Variants in CSMD1 observed in about 807,000 individuals in gnomAD.
CSMD1 encodes CUB and Sushi multiple domains 1.
A neutral mutation model predicts 417.5 loss-of-function variants in CSMD1; 213 were observed. That is an observed-to-expected ratio of 0.51 (90% CI 0.46 to 0.57). The LOEUF (loss-of-function observed/expected upper bound fraction) is 0.57. CSMD1 is among the 20% of genes least tolerant of loss of function. CSMD1 has a pLI of 0.00. For missense variants in CSMD1, 6,923 were observed against 4,529.7 expected, an observed-to-expected ratio of 1.53 and a Z score of -15.17; for synonymous variants, 2,862 against 1,736.8, an observed-to-expected ratio of 1.65 and a Z score of -16.11.
intron 5 of CSMD1, among the ~76,000 whole-genome samples, chr8:3,912,029 A>C (rs1344102061): frequency 6.6e-6 from 1 of 152,236 alleles, no homozygotes; most frequent in East Asian, 1.9e-4. Context: ...ATAGACACAT[A>C]TGGAGTATAT....
chr8:4,832,053 A>T (rs1268489184), intron 1 of CSMD1, among the ~76,000 whole-genome samples: 1 of 152,196 alleles, frequency 6.6e-6, no homozygotes, highest in Non-Finnish European at 1.5e-5. Context: ...CCTTACAATC[A>T]AACCAGAACC....
intron 3 of CSMD1, among the ~76,000 whole-genome samples, chr8:4,087,307 AT>A (rs1800471135): frequency 6.6e-6 from 1 of 151,988 alleles, no homozygotes; most frequent in Non-Finnish European, 1.5e-5. Context: ...CCTGCAGGTG[AT>A]TTTCCAGGGA....
intron 56 of CSMD1, among the ~76,000 whole-genome samples, chr8:2,974,213 A>C (rs966001109): frequency 2.6e-5 from 4 of 152,238 alleles, no homozygotes; most frequent in Admixed American, 2.6e-4. Context: ...AATGAGATCC[A>C]GACTCTCCTG....
At chr8:3,505,715 G>C (rs1380335266) in intron 10 of CSMD1, among the ~76,000 whole-genome samples, 2 of 152,184 alleles carry the variant, frequency 1.3e-5, no homozygotes, top group Non-Finnish European at 2.9e-5. Context: ...ATGAGCACTG[G>C]ATAGAAGGGA....
intron 1 of CSMD1, among the ~76,000 whole-genome samples, chr8:4,790,579 C>G (rs922673153): frequency 6.6e-6 from 1 of 152,174 alleles, no homozygotes; most frequent in Non-Finnish European, 1.5e-5. Flanking sequence ...CGACTTTAAG[C>G]TATACAACCA....
intron 46 of CSMD1, 27 bp from the exon 47 acceptor site, chr8:3,097,064 T>A: frequency 2.0e-6 from 3 of 1,486,632 alleles, no homozygotes; most frequent in Non-Finnish European, 2.7e-6. Flanking sequence ...CAGCAAAAGT[T>A]TGCTTTAATA....
intron 3 of CSMD1, among the ~76,000 whole-genome samples, chr8:4,285,957 T>C (rs1281123452): frequency 1.3e-5 from 2 of 152,198 alleles, no homozygotes; most frequent in African/African-American, 4.8e-5. Context: ...TCCGCAATGC[T>C]ATAATTACAC....
chr8:3,963,419 G>C (rs544191005), intron 5 of CSMD1, among the ~76,000 whole-genome samples: 1 of 152,228 alleles, frequency 6.6e-6, no homozygotes, highest in East Asian at 1.9e-4. Flanking sequence ...TAAGTAGCTT[G>C]AAAATATCTC....
chr8:4,052,354 T>A (rs1474055708), intron 3 of CSMD1, among the ~76,000 whole-genome samples: 2 of 152,150 alleles, frequency 1.3e-5, no homozygotes, highest in Non-Finnish European at 2.9e-5. Context: ...ATGATAACAC[T>A]CACGTGTATG....
chr8:4,017,394 C>T (rs182230217), intron 4 of CSMD1, among the ~76,000 whole-genome samples: 4 of 152,286 alleles, frequency 2.6e-5, no homozygotes, highest in East Asian at 3.9e-4. Flanking sequence ...CAACCTCCGC[C>T]TCCCGGGTTC....
chr8:3,814,778 G>A (rs1011960643), intron 5 of CSMD1, among the ~76,000 whole-genome samples: 3 of 152,184 alleles, frequency 2.0e-5, no homozygotes, highest in Admixed American at 6.5e-5. Context: ...ATTCTGCCAC[G>A]ATTTTCTATT....
At chr8:3,613,726 C>CAG (rs1160787874) in intron 8 of CSMD1, among the ~76,000 whole-genome samples, 2 of 130,798 alleles carry the variant, frequency 1.5e-5, no homozygotes, top group African/African-American at 6.0e-5. Flanking sequence ...CACACACACA[C>CAG]ACACACACAC....
chr8:4,912,590 C>T (rs1480172693), intron 1 of CSMD1, among the ~76,000 whole-genome samples: 1 of 152,126 alleles, frequency 6.6e-6, no homozygotes, highest in Non-Finnish European at 1.5e-5. Flanking sequence ...CTCTCAAAAG[C>T]CTGCCTTCCT....
At chr8:3,235,431 G>A (rs910823481) in intron 26 of CSMD1, among the ~76,000 whole-genome samples, 4 of 152,230 alleles carry the variant, frequency 2.6e-5, no homozygotes, top group Non-Finnish European at 5.9e-5. Flanking sequence ...CAAAAAATAA[G>A]TGCTCTGTTG....
At chr8:4,879,863 A>G (rs1166282250) in intron 1 of CSMD1, among the ~76,000 whole-genome samples, 1 of 152,130 alleles carries the variant, frequency 6.6e-6, no homozygotes, top group Admixed American at 6.5e-5. Flanking sequence ...TTGGCAAATA[A>G]AATCGATCAA....
In CSMD1 at chr8:3,367,189, G is replaced by C; in HGVS notation, c.2958C>G (p.Ile986Met). 1 of 1,613,628 alleles carries C rather than the reference G, an allele frequency of 6.2e-7. No individual in the cohort carries two copies. Among genetic ancestry groups the C allele is most frequent in the Non-Finnish European group, 8.5e-7 (1 of 1,179,764 alleles). Residue 986 changes from isoleucine to methionine, a missense_variant, in exon 20 of 70, where the codon ATC (isoleucine) becomes ATG (methionine). Physicochemically the swap from Ile to Met is conservative, Grantham distance 10. Coordinates refer to ENST00000635120, the MANE Select transcript of CSMD1 (RefSeq NM_033225.6). ...GCTCGGAAAAACTTCCATCCTCTGT[G>C]ATCAGTAAATAGTCGTGGGAACTCT... ...HLESSHDYLL[I>M]TEDGSFSEPV...
chr8:4,137,989 C>T (rs1042417244), intron 3 of CSMD1, among the ~76,000 whole-genome samples: 4 of 149,518 alleles, frequency 2.7e-5, no homozygotes, highest in Non-Finnish European at 5.9e-5. Context: ...GCCATTCTCC[C>T]GCCTCAGCCT....
intron 1 of CSMD1, among the ~76,000 whole-genome samples, chr8:4,960,499 T>C (rs937868783): frequency 1.3e-5 from 2 of 152,202 alleles, no homozygotes; most frequent in Non-Finnish European, 2.9e-5. Context: ...TTGTTTATGA[T>C]TCTTCAAGGA....
intron 3 of CSMD1, among the ~76,000 whole-genome samples, chr8:4,393,595 A>C (rs1004713650): frequency 1.3e-5 from 2 of 152,126 alleles, no homozygotes; most frequent in East Asian, 1.9e-4. Context: ...GTTTCCAATT[A>C]ATGAGTTTGG....
Sources: allele counts gnomAD v4.1 joint callset (sites outside exome capture counted in the v4.1 genomes callset), GRCh38; gene constraint gnomAD v4.1.1; transcripts MANE v1.5; gene names NCBI Gene and HGNC (gene_info 2026-07-23, HGNC 2026-07-21).